CDYL: variants seen among roughly 807,000 people sequenced by gnomAD.
The protein encoded by CDYL is chromodomain Y-like protein.
In CDYL, 8 loss-of-function variants were observed where a neutral mutation model predicts 47.3. That is an observed-to-expected ratio of 0.17 (90% CI 0.10 to 0.31). CDYL has a LOEUF of 0.31. Among genes scored for constraint, CDYL ranks in the 10% least tolerant of loss-of-function variants. CDYL has a pLI of 1.00. For synonymous variants in CDYL, 266 were observed against 265.0 expected (o/e 1.00, Z -0.04); for missense variants, 471 against 701.4 (o/e 0.67, Z 3.71).
chr6:4,837,632 T>C (rs2127457224), intron 1 of CDYL, among the ~76,000 whole-genome samples: 1 of 152,048 alleles, frequency 6.6e-6, no homozygotes, highest in Admixed American at 6.5e-5. Context: ...GCCTGGCTAA[T>C]TTTTGTATTT....
At chr6:4,822,192 T>C (rs1055587923) in intron 1 of CDYL, among the ~76,000 whole-genome samples, 1 of 151,872 alleles carries the variant, frequency 6.6e-6, no homozygotes, top group Non-Finnish European at 1.5e-5. Context: ...GCGGGGGGCA[T>C]CTCACTGTGT....
chr6:4,746,848 TA>T (rs1227925824), intron 3 of CDYL, among the ~76,000 whole-genome samples: 2 of 152,070 alleles, frequency 1.3e-5, no homozygotes, highest in African/African-American at 4.8e-5. Flanking sequence ...GCACCCCACA[TA>T]GCACACACTG....
In CDYL at chr6:4,938,227, T is replaced by G. The variant is rs201429074; in HGVS notation, c.1121+490T>G. Among the ~76,000 whole-genome samples, 25 of 124,022 alleles carry G rather than the reference T, an allele frequency of 2.0e-4. No homozygotes were observed. The South Asian group carries it at 4.7e-3, about 23-fold the overall frequency. The allele number at this position is 124,022 out of a possible 152,430, so 81.4% of individuals were successfully genotyped here. ...TGGAGAGTTTTGTTTTTTGGTTTTT[T>G]TTGTTGTTTTTTTTTTTTGTTTCTT... is the stretch of plus-strand genomic sequence containing the variant. On this transcript the variant is annotated intron_variant, in intron 4 of 6. Coordinates refer to ENST00000397588, the MANE Select transcript of CDYL (RefSeq NM_004824.4).
chr6:4,921,660 C>T (rs919461242), intron 2 of CDYL, among the ~76,000 whole-genome samples: 4 of 152,174 alleles, frequency 2.6e-5, no homozygotes, highest in Admixed American at 2.6e-4. Flanking sequence ...GTATTTAACC[C>T]TTCAAAGGCT....
chr6:4,891,817 G>C lies in CDYL; in HGVS notation c.129G>C (p.Gln43His). ...DSEDDTWEPE[Q>H]HLVNCEEYIH... ...AGGACGACACTTGGGAGCCGGAACAGCACCTCGTGAACTGTGAGGAATACA... is the reference window on the plus strand; with the variant it reads ...AGGACGACACTTGGGAGCCGGAACACCACCTCGTGAACTGTGAGGAATACA... The change falls in exon 2 of 7, where the codon CAG becomes CAC. Residue 43 changes from glutamine (Q) to histidine (H), a missense_variant. Gln to His is a conservative substitution (Grantham distance 24). Coordinates refer to ENST00000397588, the MANE Select transcript of CDYL (RefSeq NM_004824.4). The C allele has an allele frequency of 6.2e-7, 1 of 1,614,178 alleles. No homozygotes were observed. Among genetic ancestry groups the C allele is most frequent in the Non-Finnish European group, 8.5e-7 (1 of 1,180,028 alleles).
chr6:4,882,530 A>G (rs1761791367), intron 1 of CDYL, among the ~76,000 whole-genome samples: 1 of 152,202 alleles, frequency 6.6e-6, no homozygotes, highest in Admixed American at 6.5e-5. Flanking sequence ...GATAACCACC[A>G]GGGGTGGAAA....
intron 1 of CDYL, among the ~76,000 whole-genome samples, chr6:4,842,573 A>G (rs996533864): frequency 6.6e-6 from 1 of 152,096 alleles, no homozygotes; most frequent in South Asian, 2.1e-4. Flanking sequence ...TTTTTCTGAT[A>G]TAAGAATAGC....
At chr6:4,803,782 T>C (rs1446400820) in intron 1 of CDYL, among the ~76,000 whole-genome samples, 1 of 149,042 alleles carries the variant, frequency 6.7e-6, no homozygotes, top group Non-Finnish European at 1.5e-5. Flanking sequence ...CCTGATGACT[T>C]CTCTTCATTC....
Position 4,776,738 on chromosome 6 carries a change from G to GGCCCCCCCCCC in CDYL, c.-46_-45insGCCCCCCCCCC. The GGCCCCCCCCCC allele has an allele frequency of 1.6e-6, 2 of 1,250,236 alleles. No homozygotes were observed. The highest frequency in any genetic ancestry group is 2.1e-6 in the Non-Finnish European group (2 of 969,228). The allele number at this position is 1,250,236 out of a possible 1,614,324, so 77.4% of individuals were successfully genotyped here. A position where few individuals can be genotyped will look rare whatever the true frequency, so the allele number is the denominator to read the frequency against. ...AAAGTGTCGGCCGCCCGGCGCCGGC[G>GGCCCCCCCCCC]CCCGCCCCGACCCTGCCCCTCCCGC... On this transcript the variant is annotated 5_prime_UTR_variant, in exon 1 of 7. Coordinates refer to ENST00000397588, the MANE Select transcript of CDYL (RefSeq NM_004824.4).
rs140869944 is a variant in CDYL, at chr6:4,745,952, T to C, written c.186+11108T>C. ...ATAACCAGAATGTGGGAGCCATGGG[T>C]AGGGGTGTGACAGGAATCAGCCTGA... On this transcript the variant is annotated intron_variant, in intron 3 of 8. Coordinates refer to the CDYL transcript ENST00000328908. Among the ~76,000 whole-genome samples the C allele has an allele frequency of 2.0e-3, 302 of 152,208 alleles. 1 individual carries two copies. Among genetic ancestry groups the C allele is most frequent in the African/African-American group, 6.7e-3 (280 of 41,554 alleles).
intron 1 of CDYL, among the ~76,000 whole-genome samples, chr6:4,777,034 G>A (rs1334945059): frequency 6.8e-6 from 1 of 146,578 alleles, no homozygotes; most frequent in African/African-American, 2.5e-5. Context: ...GGGGGGGGGG[G>A]TCCCAGCCGT....
intron 1 of CDYL, among the ~76,000 whole-genome samples, chr6:4,860,148 G>T (rs568821564): frequency 6.6e-6 from 1 of 151,946 alleles, no homozygotes; most frequent in South Asian, 2.1e-4. Flanking sequence ...TGATCCGCCC[G>T]CCTCGGCCTC....
At chr6:4,944,403 T>C (rs1326896309) in intron 5 of CDYL, among the ~76,000 whole-genome samples, 1 of 152,202 alleles carries the variant, frequency 6.6e-6, no homozygotes, top group African/African-American at 2.4e-5. Flanking sequence ...AGTGATACTA[T>C]GCCCATCATC....
In CDYL at chr6:4,790,056, G is replaced by A. The variant is rs952635960; in HGVS notation, c.24+13249G>A. Among the ~76,000 whole-genome samples the A allele has an allele frequency of 3.9e-5, 6 of 152,272 alleles. No homozygotes were observed. The East Asian group carries it at 9.6e-4, about 24-fold the overall frequency. ...ATCCTGTCAGGGTTTTGCTAGGCTG[G>A]TGTTGTGTGGATATTGATAATGATA... On this transcript the variant is annotated intron_variant, in intron 1 of 6. Transcript: ENST00000397588.
intron 2 of CDYL, among the ~76,000 whole-genome samples, chr6:4,909,162 G>A (rs1018574942): frequency 2.0e-5 from 3 of 152,170 alleles, no homozygotes; most frequent in African/African-American, 7.2e-5. Context: ...AACTCATCCA[G>A]AAAGAAAGGA....
At chr6:4,734,125 C>T (rs1252637720) in intron 2 of CDYL, among the ~76,000 whole-genome samples, 1 of 151,890 alleles carries the variant, frequency 6.6e-6, no homozygotes, top group African/African-American at 2.4e-5. Context: ...CAGGCATGAG[C>T]CACCACGCCC....
At chr6:4,940,766 G>GGGGGCCCTGCCCAAGCAGTGCCCCA (rs1758339516) in intron 4 of CDYL, among the ~76,000 whole-genome samples, 1 of 152,200 alleles carries the variant, frequency 6.6e-6, no homozygotes, top group Non-Finnish European at 1.5e-5. Context: ...GAGGGAGACC[G>GGGGGCCCTGCCCAAGCAGTGCCCCA]GGGGCCCTGC....
rs908813105 is a variant in CDYL, at chr6:4,842,167, A to G, written c.25-49546A>G. On this transcript the variant is annotated intron_variant, in intron 1 of 6. Transcript: ENST00000397588. ...ATTACTTATATATTATAAATATATT[A>G]TATTATATAATAAATTATTAATATA... Among the ~76,000 whole-genome samples, 25 of 144,124 alleles carry G rather than the reference A, an allele frequency of 1.7e-4. 1 individual carries two copies. The East Asian group carries it at 4.9e-3, about 28-fold the overall frequency. 94.6% of individuals were successfully genotyped at this position (144,124 alleles called of 152,430 possible). A position where few individuals can be genotyped will look rare whatever the true frequency, so the allele number is the denominator to read the frequency against.
At chr6:4,734,967 G>T in intron 3 of CDYL, 1 of 1,456,888 alleles carries the variant, frequency 6.9e-7, no homozygotes, top group Non-Finnish European at 9.1e-7. Context: ...CCCTTTGGTG[G>T]TCTGGTGAAG....
Sources: allele counts gnomAD v4.1 joint callset (sites outside exome capture counted in the v4.1 genomes callset), GRCh38; gene constraint gnomAD v4.1.1; transcripts MANE v1.5; gene names NCBI Gene and HGNC (gene_info 2026-07-23, HGNC 2026-07-21).